Variants in HOXA13 observed in about 807,000 individuals in gnomAD.
HOXA13 encodes homeobox A13, also known as homeobox protein Hox-A13.
A neutral mutation model predicts 25.7 loss-of-function variants in HOXA13; 5 were observed. The ratio of observed to expected loss-of-function variants is 0.19; its 90% confidence interval spans 0.10 to 0.41. The LOEUF (loss-of-function observed/expected upper bound fraction) is 0.41, where lower values mean the gene tolerates loss of function less well. Ranked by LOEUF, HOXA13 falls within the 10% of genes least tolerant of loss-of-function variation. HOXA13 has a pLI of 1.00. For missense variants in HOXA13, 557 were observed against 533.5 expected, an observed-to-expected ratio of 1.04 and a Z score of -0.43; for synonymous variants, 284 against 241.1, an observed-to-expected ratio of 1.18 and a Z score of -1.65.
Position 27,199,383 on chromosome 7 carries a change from T to C in HOXA13, c.695A>G (p.His232Arg). The C allele has an allele frequency of 6.2e-7, 1 of 1,613,888 alleles. No homozygotes were observed. Among genetic ancestry groups the C allele is most frequent in the Non-Finnish European group, 8.5e-7 (1 of 1,179,924 alleles). Residue 232 changes from histidine (H) to arginine (R), a missense_variant, in exon 1 of 2, where the codon CAC becomes CGC. Transcript: ENST00000649031. ...GTAAGGCCCGGCTGCGTAGCCCTGGTGGTAGAAGGCGAACTCCTTAGCGCG... is the reference window on the plus strand; with the variant it reads ...GTAAGGCCCGGCTGCGTAGCCCTGGCGGTAGAAGGCGAACTCCTTAGCGCG... The part of the protein sequence containing the change: ...SSRAKEFAFY[H>R]QGYAAGPYHH...
In HOXA13 at chr7:27,200,082, C is replaced by T. The variant is rs377526206; in HGVS notation, c.-5G>A. 39 of 1,455,418 alleles carry T rather than the reference C, an allele frequency of 2.7e-5. No homozygotes were observed. Among genetic ancestry groups the T allele is most frequent in the Non-Finnish European group, 3.6e-5 (39 of 1,086,474 alleles). The allele number at this position is 1,455,418 out of a possible 1,614,324, so 90.2% of individuals were successfully genotyped here. On this transcript the variant is annotated 5_prime_UTR_variant, in exon 1 of 2. Coordinates refer to ENST00000649031, the MANE Select transcript of HOXA13 (RefSeq NM_000522.5). ...GAGGAGCACGGAGGCTGTCATAGCC[C>T]GAGCCGCATGGAGAAGACCCCAGTG...
Position 27,198,289 on chromosome 7 carries a change from G to T in HOXA13, c.1076C>A (p.Thr359Lys). 1 of 1,614,122 alleles carries T rather than the reference G, an allele frequency of 6.2e-7. No homozygotes were observed. Among genetic ancestry groups the T allele is most frequent in the Non-Finnish European group, 8.5e-7 (1 of 1,180,030 alleles). ...TGTGACCTGCCGCTCAGAGAGATTC[G>T]TCGTGGCTGATATCCGCCTCCGTTT... ...KDKRRRISAT[T>K]NLSERQVTIW... Residue 359 changes from threonine (T) to lysine (K), a missense_variant, in exon 2 of 2, where the codon ACG (threonine) becomes AAG (lysine). Physicochemically the swap from Thr to Lys is moderately conservative, Grantham distance 78 (BLOSUM62 -1). Transcript: ENST00000649031.
rs752022717 is a variant in HOXA13 at position 27,198,409 on chromosome 7, T to C, written c.956A>G (p.Tyr319Cys). The stretch of plus-strand genomic sequence containing the variant: ...CACGCGCTTCTTTCTCCCCCTCCTA[T>C]AGGAGCTGGCATCCGAGGGATGGGA... ...VVSHPSDASS[Y>C]RRGRKKRVPY... Residue 319 changes from tyrosine to cysteine, a missense_variant, in exon 2 of 2, where the codon TAT becomes TGT. Transcript: ENST00000649031. The C allele has an allele frequency of 8.7e-6, 14 of 1,613,902 alleles. No individual in the cohort carries two copies. The East Asian group carries it at 2.0e-4, about 23-fold the overall frequency.
Position 27,195,589 on chromosome 7 carries a change from G to C in HOXA13, c.*2609C>G, listed in dbSNP as rs914444277. 1.3e-5 allele frequency: 2 copies of C among 152,162 alleles called. No individual in the cohort carries two copies. Among genetic ancestry groups the C allele is most frequent in the African/African-American group, 4.8e-5 (2 of 41,440 alleles). The allele number at this position is 152,162 out of a possible 1,614,324, so 9.4% of individuals were successfully genotyped here. A position where few individuals can be genotyped will look rare whatever the true frequency, so the allele number is the denominator to read the frequency against. ...TATTATTATAGTTTTGATGGAAGTT[G>C]TTAATATTAAACATATTTATTTATC... On this transcript the variant is annotated 3_prime_UTR_variant, in exon 2 of 2. Transcript: ENST00000649031.
rs775046143 is a variant in HOXA13, at chr7:27,194,496, G to A, written c.*3702C>T. 1 of 152,096 alleles carries A rather than the reference G, an allele frequency of 6.6e-6. No individual in the cohort carries two copies. The highest frequency in any genetic ancestry group is 2.4e-5 in the African/African-American group (1 of 41,398). The allele number at this position is 152,096 out of a possible 1,614,324, so 9.4% of individuals were successfully genotyped here. ...TGATACTATTATTCCTATTTTTCAGGAGGTGGCTGGTCTCTCCTTGATTTT... is the reference window on the plus strand; with the variant it reads ...TGATACTATTATTCCTATTTTTCAGAAGGTGGCTGGTCTCTCCTTGATTTT... On this transcript the variant is annotated 3_prime_UTR_variant, in exon 2 of 2. Coordinates refer to ENST00000649031, the MANE Select transcript of HOXA13 (RefSeq NM_000522.5).
Position 27,199,604 on chromosome 7 carries a change from T to G in HOXA13, c.474A>C (p.Ala158=), listed in dbSNP as rs2115472722. ...CGGGCCCCGACGAGCTCTGCGCCGC[T>G]GCCGAGCAGGGGCTGCATTGCTTGG... ...EAAKQCSPCS[A]AAQSSSGPAA... The change falls in exon 1 of 2, where the codon GCA becomes GCC. Residue 158 remains alanine (A), a synonymous_variant. Coordinates refer to ENST00000649031, the MANE Select transcript of HOXA13 (RefSeq NM_000522.5). 1 of 1,480,762 alleles carries G rather than the reference T, an allele frequency of 6.8e-7. No homozygotes were observed. Among genetic ancestry groups the G allele is most frequent in the Non-Finnish European group, 8.9e-7 (1 of 1,122,402 alleles). 91.7% of individuals were successfully genotyped at this position (1,480,762 alleles called of 1,614,324 possible). A position where few individuals can be genotyped will look rare whatever the true frequency, so the allele number is the denominator to read the frequency against.
In HOXA13 at chr7:27,199,838, C is replaced by T; in HGVS notation, c.240G>A (p.Ala80=). Residue 80 remains alanine, a synonymous_variant, in exon 1 of 2, where the codon GCG becomes GCA. Transcript: ENST00000649031. ...TGCGGCACTGGTTGGCCGCGGCCGC[C>T]GCCGCAGCCGCGGCCGCCGCCGCCA... ...FSVAAAAAAA[A]AAAANQCRNL... 1 of 988,960 alleles carries T rather than the reference C, an allele frequency of 1.0e-6. No homozygotes were observed. The highest frequency in any genetic ancestry group is 1.2e-6 in the Non-Finnish European group (1 of 832,692). 61.3% of individuals were successfully genotyped at this position (988,960 alleles called of 1,614,324 possible).
At position 27,199,937 on chromosome 7, in the gene HOXA13, C is replaced by CGCTGCAGCCGCT. The variant is rs751491223; in HGVS notation, c.129_140dup (p.Ala48_Ala51dup). On this transcript the variant is annotated inframe_insertion, in exon 1 of 2. Transcript: ENST00000649031. The stretch of plus-strand genomic sequence containing the variant: ...CGCCCCCGGCCCCGGCAGCCGCCGC[C>CGCTGCAGCCGCT]GCTGCAGCCGCTGCTGCAGCCGCCG... The CGCTGCAGCCGCT allele has an allele frequency of 7.8e-7, 1 of 1,280,450 alleles. No individual in the cohort carries two copies. The highest frequency in any genetic ancestry group is 1.6e-5 in the African/African-American group (1 of 64,086). The allele number at this position is 1,280,450 out of a possible 1,614,324, so 79.3% of individuals were successfully genotyped here.
In HOXA13 at chr7:27,194,494, A is replaced by C. The variant is rs1168733982; in HGVS notation, c.*3704T>G. On this transcript the variant is annotated 3_prime_UTR_variant, in exon 2 of 2. Transcript: ENST00000649031. ...GCTGATACTATTATTCCTATTTTTCAGGAGGTGGCTGGTCTCTCCTTGATT... is the reference window on the plus strand; with the variant it reads ...GCTGATACTATTATTCCTATTTTTCCGGAGGTGGCTGGTCTCTCCTTGATT... The C allele has an allele frequency of 6.6e-6, 1 of 152,168 alleles. No homozygotes were observed. Among genetic ancestry groups the C allele is most frequent in the Non-Finnish European group, 1.5e-5 (1 of 68,050 alleles). The allele number at this position is 152,168 out of a possible 1,614,324, so 9.4% of individuals were successfully genotyped here. A position where few individuals can be genotyped will look rare whatever the true frequency, so the allele number is the denominator to read the frequency against.
In HOXA13 at chr7:27,199,396, A is replaced by T; in HGVS notation, c.682T>A (p.Phe228Ile). 1 of 1,613,882 alleles carries T rather than the reference A, an allele frequency of 6.2e-7. No homozygotes were observed. The highest frequency in any genetic ancestry group is 8.5e-7 in the Non-Finnish European group (1 of 1,179,938). ...GCGTAGCCCTGGTGGTAGAAGGCGA[A>T]CTCCTTAGCGCGGGAGCTGAACTCC... ...AEEFSSRAKEFAFYHQGYAAG... is the reference protein window; with the variant it reads ...AEEFSSRAKEIAFYHQGYAAG... Residue 228 changes from phenylalanine to isoleucine, a missense_variant, in exon 1 of 2, where the codon TTC becomes ATC. Coordinates refer to ENST00000649031, the MANE Select transcript of HOXA13 (RefSeq NM_000522.5).
In HOXA13 at chr7:27,196,604, C is replaced by A. The variant is rs1336622132; in HGVS notation, c.*1594G>T. 2 of 152,288 alleles carry A rather than the reference C, an allele frequency of 1.3e-5. No individual in the cohort carries two copies. Among genetic ancestry groups the A allele is most frequent in the Admixed American group, 6.5e-5 (1 of 15,290 alleles). 9.4% of individuals were successfully genotyped at this position (152,288 alleles called of 1,614,324 possible). A position where few individuals can be genotyped will look rare whatever the true frequency, so the allele number is the denominator to read the frequency against. ...CTACAAAACAACTGGTTTTCATTTT[C>A]CACAGGGAGCCTGGGAATTCATACT... is the stretch of plus-strand genomic sequence containing the variant. On this transcript the variant is annotated 3_prime_UTR_variant, in exon 2 of 2. Coordinates refer to ENST00000649031, the MANE Select transcript of HOXA13 (RefSeq NM_000522.5).
chr7:27,199,402 T>C lies in HOXA13; in HGVS notation c.676A>G (p.Lys226Glu), dbSNP rs763227546. 3.1e-6 allele frequency: 5 copies of C among 1,614,014 alleles called. No homozygotes were observed. The highest frequency in any genetic ancestry group is 4.2e-6 in the Non-Finnish European group (5 of 1,179,950). Residue 226 changes from lysine to glutamate, a missense_variant, in exon 1 of 2, where the codon AAG (lysine) becomes GAG (glutamate). Coordinates refer to ENST00000649031, the MANE Select transcript of HOXA13 (RefSeq NM_000522.5). ...PAAEEFSSRA[K>E]EFAFYHQGYA... is the part of the protein sequence containing the mutation. ...CCCTGGTGGTAGAAGGCGAACTCCT[T>C]AGCGCGGGAGCTGAACTCCTCGGCA... is the stretch of plus-strand genomic sequence containing the variant.
At position 27,196,381 on chromosome 7, in the gene HOXA13, G is replaced by A. The variant is rs182218783; in HGVS notation, c.*1817C>T. 10 of 152,184 alleles carry A rather than the reference G, an allele frequency of 6.6e-5. No individual in the cohort carries two copies. The highest frequency in any genetic ancestry group is 1.9e-4 in the East Asian group (1 of 5,202). The allele number at this position is 152,184 out of a possible 1,614,324, so 9.4% of individuals were successfully genotyped here. A position where few individuals can be genotyped will look rare whatever the true frequency, so the allele number is the denominator to read the frequency against. ...AGGAGGCTTGTCAACGCGAGGTGGC[G>A]CCCTTGATCTACTAATCCAGCTAAG... is the stretch of plus-strand genomic sequence containing the variant. On this transcript the variant is annotated 3_prime_UTR_variant, in exon 2 of 2. Transcript: ENST00000649031.
chr7:27,199,832 GGCCGCCGCCGCAGCCGCGGCCGCC>G lies in HOXA13; in HGVS notation c.222_245del (p.Ala77_Ala84del). 3 of 989,630 alleles carry G rather than the reference GGCCGCCGCCGCAGCCGCGGCCGCC, an allele frequency of 3.0e-6. No individual in the cohort carries two copies. Among genetic ancestry groups the G allele is most frequent in the East Asian group, 1.1e-4 (1 of 8,982 alleles). The allele number at this position is 989,630 out of a possible 1,614,324, so 61.3% of individuals were successfully genotyped here. ...TCAGGTTGCGGCACTGGTTGGCCGCGGCCGCCGCCGCAGCCGCGGCCGCCGCCGCCACCGAGAAGTTGCCCCCTG... is the reference window on the plus strand; with the variant it reads ...TCAGGTTGCGGCACTGGTTGGCCGCGGCCGCCACCGAGAAGTTGCCCCCTG... On this transcript the variant is annotated inframe_deletion, in exon 1 of 2. Transcript: ENST00000649031.
rs887448395 is a variant in HOXA13 at position 27,197,579 on chromosome 7, A to G, written c.*619T>C. On this transcript the variant is annotated 3_prime_UTR_variant, in exon 2 of 2. Transcript: ENST00000649031. ...AAAGGTTCAGCTGGTTGGTTTTACT[A>G]TACTACCAAGACAAATGATCCTCAG... 2 of 221,024 alleles carry G rather than the reference A, an allele frequency of 9.0e-6. No homozygotes were observed. Among genetic ancestry groups the G allele is most frequent in the Non-Finnish European group, 1.8e-5 (2 of 110,728 alleles). The allele number at this position is 221,024 out of a possible 1,614,324, so 13.7% of individuals were successfully genotyped here. A position where few individuals can be genotyped will look rare whatever the true frequency, so the allele number is the denominator to read the frequency against.
In HOXA13 at chr7:27,194,864, G is replaced by T. The variant is rs545837882; in HGVS notation, c.*3334C>A. 2.0e-5 allele frequency: 3 copies of T among 152,360 alleles called. No individual in the cohort carries two copies. The highest frequency in any genetic ancestry group is 4.4e-5 in the Non-Finnish European group (3 of 68,050). The allele number at this position is 152,360 out of a possible 1,614,324, so 9.4% of individuals were successfully genotyped here. A position where few individuals can be genotyped will look rare whatever the true frequency, so the allele number is the denominator to read the frequency against. On this transcript the variant is annotated 3_prime_UTR_variant, in exon 2 of 2. Coordinates refer to ENST00000649031, the MANE Select transcript of HOXA13 (RefSeq NM_000522.5). The stretch of plus-strand genomic sequence containing the variant: ...GAGCTGCTGTTGGCCTCCTTCCTAG[G>T]CTCGAGGCTCAGAATATTTCTTACA...
In HOXA13 at chr7:27,197,761, C is replaced by T; in HGVS notation, c.*437G>A. The T allele has an allele frequency of 3.5e-6, 1 of 285,060 alleles. No individual in the cohort carries two copies. The highest frequency in any genetic ancestry group is 5.5e-5 in the East Asian group (1 of 18,288). 17.7% of individuals were successfully genotyped at this position (285,060 alleles called of 1,614,324 possible). On this transcript the variant is annotated 3_prime_UTR_variant, in exon 2 of 2. Coordinates refer to ENST00000649031, the MANE Select transcript of HOXA13 (RefSeq NM_000522.5). ...AAGATTTACCTGAGCAGACGCTTAA[C>T]ATGCAAAGGGAATGGCGACCTAAGA...
In HOXA13 at chr7:27,199,884, G is replaced by T. The variant is rs1784072258; in HGVS notation, c.194C>A (p.Ala65Glu). 1.2e-5 allele frequency: 13 copies of T among 1,067,518 alleles called. No homozygotes were observed. Among genetic ancestry groups the T allele is most frequent in the Non-Finnish European group, 1.4e-5 (12 of 879,894 alleles). 66.1% of individuals were successfully genotyped at this position (1,067,518 alleles called of 1,614,324 possible). A position where few individuals can be genotyped will look rare whatever the true frequency, so the allele number is the denominator to read the frequency against. ...CGCCACCGAGAAGTTGCCCCCTGCCGCCGCAGCCGCCGGGTGGGGGAAGCC... is the reference window on the plus strand; with the variant it reads ...CGCCACCGAGAAGTTGCCCCCTGCCTCCGCAGCCGCCGGGTGGGGGAAGCC... ...GGGFPHPAAA[A>E]AGGNFSVAAA... Residue 65 changes from alanine to glutamate, a missense_variant, in exon 1 of 2, where the codon GCG becomes GAG. By Grantham distance (107) the Ala-to-Glu change is moderately radical (BLOSUM62 -1). Transcript: ENST00000649031.
In HOXA13 at chr7:27,199,453, T is replaced by C. The variant is rs1296082976; in HGVS notation, c.625A>G (p.Lys209Glu). ...SAAAAAAFADKYMDTAGPAAE... is the reference protein window; with the variant it reads ...SAAAAAAFADEYMDTAGPAAE... The stretch of plus-strand genomic sequence containing the variant: ...GCTGGGCCGGCGGTATCCATGTACT[T>C]GTCCGCGAAGGCGGCGGCGGCGGCG... Residue 209 changes from lysine (K) to glutamate (E), a missense_variant, in exon 1 of 2, where the codon AAG (lysine) becomes GAG (glutamate). Transcript: ENST00000649031. 2 of 1,613,374 alleles carry C rather than the reference T, an allele frequency of 1.2e-6. No individual in the cohort carries two copies. The highest frequency in any genetic ancestry group is 1.7e-6 in the Non-Finnish European group (2 of 1,179,850).
Sources: allele counts gnomAD v4.1 joint callset, GRCh38; gene constraint gnomAD v4.1.1; transcripts MANE v1.5; gene names NCBI Gene and HGNC (gene_info 2026-07-23, HGNC 2026-07-21).